MPP7: variants seen among roughly 807,000 people sequenced by gnomAD.
MPP7 encodes MAGUK p55 scaffold protein 7.
In MPP7, 60 loss-of-function variants were observed where a neutral mutation model predicts 76.5. The ratio of observed to expected loss-of-function variants is 0.78; its 90% CI spans 0.64 to 0.97. The LOEUF (loss-of-function observed/expected upper bound fraction) is 0.97, where lower values mean the gene tolerates loss of function less well. MPP7 is among the 50% of genes least tolerant of loss of function. MPP7 has a pLI of 0.00. For missense variants in MPP7, 641 were observed against 694.0 expected (o/e 0.92, Z 0.86); for synonymous variants, 237 against 244.5 (o/e 0.97, Z 0.29).
intron 12 of MPP7, among the ~76,000 whole-genome samples, chr10:28,084,463 T>A (rs1200553628): frequency 3.9e-5 from 6 of 152,154 alleles, no homozygotes; most frequent in Non-Finnish European, 8.8e-5. Context: ...GGGAGCTTGT[T>A]AGAAATGCAG....
At chr10:28,075,053 G>C (rs1460114782) in intron 12 of MPP7, among the ~76,000 whole-genome samples, 1 of 152,056 alleles carries the variant, frequency 6.6e-6, no homozygotes, top group African/African-American at 2.4e-5. Flanking sequence ...TTACAGTCAT[G>C]GGGGAAGGTG....
chr10:28,118,227 A>G (rs913810434), intron 11 of MPP7: 1 of 985,132 alleles, frequency 1.0e-6, no homozygotes, highest in African/African-American at 1.7e-5. Context: ...ATGCATCTAT[A>G]TAGAAACCAG....
chr10:28,304,566 G>C (rs1230507530), upstream of MPP7, among the ~76,000 whole-genome samples: 2 of 152,092 alleles, frequency 1.3e-5, no homozygotes, highest in Admixed American at 1.3e-4. Context: ...CTAACAAAAA[G>C]AGTTTTTACC....
chr10:28,271,070 C>T (rs1840312432), intron 1 of MPP7, among the ~76,000 whole-genome samples: 2 of 152,104 alleles, frequency 1.3e-5, no homozygotes, highest in South Asian at 4.1e-4. Context: ...AGAATTATAT[C>T]AATCAAAATG....
At chr10:28,254,939 G>A (rs1298541592) in intron 1 of MPP7, 1 of 152,178 alleles carries the variant, frequency 6.6e-6, no homozygotes, top group Non-Finnish European at 1.5e-5. Context: ...ACAGACCGTG[G>A]ATGTGAAAAT....
chr10:28,109,848 C>CAAAAAAAAAAAA (rs869206744), intron 11 of MPP7, among the ~76,000 whole-genome samples: 19 of 19,196 alleles, frequency 9.9e-4, no homozygotes, highest in South Asian at 2.9e-3. Flanking sequence ...GCCGCAGACG[C>CAAAAAAAAAAAA]AAAAAAAAAA....
At chr10:28,315,393 G>A (rs1397859175) in intron 2 of MPP7, among the ~76,000 whole-genome samples, 2 of 151,868 alleles carry the variant, frequency 1.3e-5, no homozygotes, top group East Asian at 1.9e-4. Flanking sequence ...AGGGAGGGAA[G>A]GTTGACCCAC....
At chr10:28,116,855 A>G (rs914879974) in intron 11 of MPP7, among the ~76,000 whole-genome samples, 2 of 152,174 alleles carry the variant, frequency 1.3e-5, no homozygotes, top group African/African-American at 4.8e-5. Flanking sequence ...ACCAAGCAAC[A>G]AAGATGAATA....
At chr10:28,268,044 CA>C (rs1159892901) in intron 1 of MPP7, among the ~76,000 whole-genome samples, 1 of 151,616 alleles carries the variant, frequency 6.6e-6, no homozygotes, top group Admixed American at 6.6e-5. Context: ...CCTCAAAAAA[CA>C]AAAACAAACA....
chr10:28,102,506 A>T (rs1853872526), intron 11 of MPP7, among the ~76,000 whole-genome samples: 1 of 152,224 alleles, frequency 6.6e-6, no homozygotes, highest in African/African-American at 2.4e-5. Flanking sequence ...ATGGTTTTAA[A>T]GTATAATTCT....
At chr10:28,193,308 G>A (rs1284352431) in intron 3 of MPP7, among the ~76,000 whole-genome samples, 1 of 151,808 alleles carries the variant, frequency 6.6e-6, no homozygotes. Context: ...TGCCTCTCGG[G>A]TTCAGACCAT....
chr10:28,196,370 C>T (rs936012978), intron 3 of MPP7, among the ~76,000 whole-genome samples: 4 of 151,662 alleles, frequency 2.6e-5, no homozygotes, highest in South Asian at 4.2e-4. Context: ...ATTGCAGCTA[C>T]ACGGGAGGCT....
At chr10:28,168,109 T>C (rs1406756067) in intron 3 of MPP7, among the ~76,000 whole-genome samples, 1 of 152,146 alleles carries the variant, frequency 6.6e-6, no homozygotes, top group African/African-American at 2.4e-5. Context: ...TGGTGGCGCA[T>C]GCTTGTAGTC....
At chr10:28,215,917 C>T (rs997495461) in intron 2 of MPP7, among the ~76,000 whole-genome samples, 5 of 152,032 alleles carry the variant, frequency 3.3e-5, no homozygotes, top group Non-Finnish European at 5.9e-5. Flanking sequence ...ATTAAGGAGG[C>T]AGATGACAAA....
chr10:28,236,498 A>G (rs1460377512), intron 2 of MPP7: 2 of 152,196 alleles, frequency 1.3e-5, no homozygotes, highest in Non-Finnish European at 2.9e-5. Context: ...ACTCAAAAAC[A>G]ATGTATTAAT....
intron 2 of MPP7, among the ~76,000 whole-genome samples, chr10:28,232,381 A>G (rs61845903): frequency 0.27 from 41,335 of 151,596 alleles, 5,938 homozygotes; most frequent in East Asian, 0.34. Context: ...ACACACACAC[A>G]CACACACACA....
chr10:28,099,075 C>A (rs1486311897), intron 11 of MPP7, among the ~76,000 whole-genome samples: 1 of 152,106 alleles, frequency 6.6e-6, no homozygotes, highest in African/African-American at 2.4e-5. Flanking sequence ...TTAATGATCT[C>A]ACTTTTTAAT....
chr10:28,200,636 CT>C (rs1436874833), intron 3 of MPP7, among the ~76,000 whole-genome samples: 1 of 152,148 alleles, frequency 6.6e-6, no homozygotes, highest in Non-Finnish European at 1.5e-5. Context: ...CTTTAGCGTG[CT>C]ACGATAATTA....
intron 1 of MPP7, among the ~76,000 whole-genome samples, chr10:28,248,896 A>C (rs1290332073): frequency 6.6e-6 from 1 of 152,130 alleles, no homozygotes; most frequent in East Asian, 1.9e-4. Context: ...TGCTCCCACA[A>C]GGACCAAGTC....
Sources: allele counts gnomAD v4.1 joint callset (sites outside exome capture counted in the v4.1 genomes callset), GRCh38; gene constraint gnomAD v4.1.1; transcripts MANE v1.5; gene names NCBI Gene and HGNC (gene_info 2026-07-23, HGNC 2026-07-21).